Variants in VWDE observed in about 807,000 individuals in gnomAD.
VWDE encodes the protein von Willebrand factor D and EGF domain-containing protein.
A neutral mutation model predicts 178.4 loss-of-function variants in VWDE; 207 were observed. The observed-to-expected ratio is 1.16, with a 90% confidence interval of 1.04 to 1.30. VWDE has a LOEUF of 1.30. Ranked by LOEUF, VWDE falls within the 50% of genes most tolerant of loss-of-function variation. VWDE has a pLI of 0.00. For synonymous variants in VWDE, 738 were observed against 651.4 expected (o/e 1.13, Z -2.02); for missense variants, 2,287 against 1,901.3 (o/e 1.20, Z -3.77).
intron 9 of VWDE, 103 bp from the exon 10 acceptor site, chr7:12,373,350 A>G (rs530568400): frequency 6.5e-6 from 8 of 1,237,070 alleles, no homozygotes; most frequent in African/African-American, 3.0e-5. Flanking sequence ...ATTTTGTTGT[A>G]TGCACTGAAG....
intron 19 of VWDE, among the ~76,000 whole-genome samples, chr7:12,346,045 C>T (rs982889782): frequency 6.6e-6 from 1 of 151,936 alleles, no homozygotes; most frequent in South Asian, 2.1e-4. Flanking sequence ...TTAAGTAATT[C>T]ATTCCTTCAT....
At chr7:12,397,240 G>A (rs1479568777) in intron 1 of VWDE, among the ~76,000 whole-genome samples, 1 of 152,076 alleles carries the variant, frequency 6.6e-6, no homozygotes, top group Non-Finnish European at 1.5e-5. Flanking sequence ...CAATGGAACA[G>A]AATAGAGAAC....
chr7:12,373,117 C>A lies in VWDE; in HGVS notation c.1447G>T (p.Ala483Ser), dbSNP rs1202255549. The change falls in exon 10 of 29, where the codon GCC becomes TCC. Residue 483 changes from alanine to serine, a missense_variant. Coordinates refer to ENST00000275358, the MANE Select transcript of VWDE (RefSeq NM_001135924.3). ...GTAACTATATCACCTCCTTCCTGGG[C>A]AACAAACCCACAATTACATGACACT... ...YPVSCNCGFV[A>S]QEGGDIVTFD... The A allele has an allele frequency of 6.4e-7, 1 of 1,551,198 alleles. No individual in the cohort carries two copies. Among genetic ancestry groups the A allele is most frequent in the Non-Finnish European group, 8.7e-7 (1 of 1,146,778 alleles).
intron 12 of VWDE, among the ~76,000 whole-genome samples, chr7:12,367,755 T>A (rs1163819668): frequency 6.6e-6 from 1 of 152,082 alleles, no homozygotes; most frequent in Non-Finnish European, 1.5e-5. Context: ...TAATAATATT[T>A]TATATCAATT....
intron 3 of VWDE, 43 bp downstream of exon 3, chr7:12,389,084 G>A: frequency 7.7e-7 from 1 of 1,296,954 alleles, no homozygotes; most frequent in East Asian, 2.5e-5. Context: ...GAATGGCAGA[G>A]TTCCATGAAT....
rs181551353 is a variant in VWDE, at chr7:12,347,372, C to T, written c.3887-2903G>A. The stretch of plus-strand genomic sequence containing the variant: ...TTAGCAAATGTATGTTAGTAAAGCA[C>T]ATTTTTTCTTTTGAAATGTAATGAT... On this transcript the variant is annotated intron_variant, in intron 19 of 28. Coordinates refer to ENST00000275358, the MANE Select transcript of VWDE (RefSeq NM_001135924.3). Among the ~76,000 whole-genome samples the T allele has an allele frequency of 3.4e-3, 522 of 152,214 alleles. 7 individuals carry two copies. The highest frequency in any genetic ancestry group is 0.012 in the African/African-American group (489 of 41,544).
intron 18 of VWDE, among the ~76,000 whole-genome samples, chr7:12,352,292 A>G (rs1291494320): frequency 1.3e-5 from 2 of 152,178 alleles, no homozygotes; most frequent in African/African-American, 2.4e-5. Flanking sequence ...CCTTCATGCT[A>G]TTGATTCTTA....
In VWDE at chr7:12,380,570, G is replaced by T; in HGVS notation, c.705C>A (p.Val235=). ...IAWSRLSSQE[V]KEELTQETTV... is the part of the protein sequence containing the mutation. ...TGGTCTCTTGTGTCAGCTCCTCTTTGACTTCTTGAGAAGAAAGCCTAGACC... is the reference window on the plus strand; with the variant it reads ...TGGTCTCTTGTGTCAGCTCCTCTTTTACTTCTTGAGAAGAAAGCCTAGACC... Residue 235 remains valine (V), a synonymous_variant, in exon 5 of 29, where the codon GTC becomes GTA. Coordinates refer to ENST00000275358, the MANE Select transcript of VWDE (RefSeq NM_001135924.3). 6.4e-7 allele frequency: 1 copy of T among 1,552,126 alleles called. No individual in the cohort carries two copies. The highest frequency in any genetic ancestry group is 8.7e-7 in the Non-Finnish European group (1 of 1,147,100).
rs931197478 is a variant in VWDE at position 12,359,626 on chromosome 7, A to G, written c.3226T>C (p.Leu1076=). ...CTTGAAATTTTGGGTCTACAAATCA[A>G]ACAAGGGCTGGTTGGATTTTTGTCT... ...EGDKNPTSPC[L]ICRPKISRFT... Residue 1076 remains leucine, a synonymous_variant, in exon 16 of 29, where the codon TTG becomes CTG. Transcript: ENST00000275358. 1.9e-5 allele frequency: 30 copies of G among 1,550,558 alleles called. No homozygotes were observed. In the African/African-American group the frequency reaches 4.0e-4, roughly 21 times the overall value.
intron 10 of VWDE, among the ~76,000 whole-genome samples, chr7:12,371,739 A>G (rs2128556037): frequency 1.3e-5 from 2 of 152,232 alleles, no homozygotes; most frequent in Middle Eastern, 3.4e-3. Flanking sequence ...TTTTGGGCAT[A>G]TCTTCGCCTG....
intron 13 of VWDE, among the ~76,000 whole-genome samples, chr7:12,362,532 C>G (rs1251189466): frequency 1.3e-5 from 2 of 151,952 alleles, no homozygotes; most frequent in African/African-American, 2.4e-5. Context: ...GCATAATGTT[C>G]CAGGTACGGA....
intron 23 of VWDE, among the ~76,000 whole-genome samples, chr7:12,341,148 TTATAA>T (rs561900299): frequency 0.019 from 2,835 of 152,286 alleles, 83 homozygotes; most frequent in African/African-American, 0.064. Context: ...TTTTATAATT[TTATAA>T]TTCTGTCACT....
chr7:12,339,635 A>C (rs1161424501), intron 24 of VWDE, among the ~76,000 whole-genome samples: 1 of 152,144 alleles, frequency 6.6e-6, no homozygotes, highest in African/African-American at 2.4e-5. Flanking sequence ...CCTAAATTTT[A>C]GGAATTAAAT....
Position 12,337,055 on chromosome 7 carries a change from TC to T in VWDE, c.4490del (p.Gly1497GlufsTer91). ...AAGTGCTTGGTCCCACACATTTTCC[TC>T]CATTCATGCACGTAGGATCACAGAT... ...KSICDPTCMN[G>X]GKCVGPSTCS... On this transcript the variant is annotated frameshift_variant, in exon 26 of 29. Transcript: ENST00000275358. LOFTEE classifies it high-confidence loss of function. 1 of 1,551,564 alleles carries T rather than the reference TC, an allele frequency of 6.4e-7. No individual in the cohort carries two copies.
chr7:12,356,946 T>C (rs1400659335), intron 17 of VWDE, among the ~76,000 whole-genome samples: 1 of 152,210 alleles, frequency 6.6e-6, no homozygotes, highest in Non-Finnish European at 1.5e-5. Context: ...GAAGAGGGTA[T>C]AATTATCAAT....
chr7:12,356,234 GC>G lies in VWDE; in HGVS notation c.3621del (p.Leu1207PhefsTer48). 1 of 1,551,492 alleles carries G rather than the reference GC, an allele frequency of 6.4e-7. No individual in the cohort carries two copies. The highest frequency in any genetic ancestry group is 2.4e-5 in the East Asian group (1 of 40,906). ...PGSGVYLCVCLPGFHGSLCEV... is the reference protein window; with the variant it reads ...PGSGVYLCVCXPGFHGSLCEV... ...TCACAAAGGCTGCCATGGAAGCCAG[GC>G]AAGCAGACACACAGGTACACTCCAC... On this transcript the variant is annotated frameshift_variant, in exon 18 of 29. Transcript: ENST00000275358. LOFTEE classifies it high-confidence loss of function.
chr7:12,383,518 G>A lies in VWDE; in HGVS notation c.541+18C>T. 6.5e-7 allele frequency: 1 copy of A among 1,547,444 alleles called. No homozygotes were observed. Among genetic ancestry groups the A allele is most frequent in the African/African-American group, 1.4e-5 (1 of 72,994 alleles). ...AGTTTATAAAAACACTATTAAAAAA[G>A]CAAAATATGATACTTACGAACACAA... On this transcript the variant is annotated intron_variant, in intron 4 of 28. Coordinates refer to ENST00000275358, the MANE Select transcript of VWDE (RefSeq NM_001135924.3).
At chr7:12,394,218 T>C (rs1054154193) in intron 1 of VWDE, among the ~76,000 whole-genome samples, 4 of 152,184 alleles carry the variant, frequency 2.6e-5, no homozygotes, top group African/African-American at 4.8e-5. Context: ...TGCCAAATCA[T>C]GGAATGCAAC....
chr7:12,336,888 G>T, intron 26 of VWDE, 100 bp downstream of exon 26: 1 of 1,171,462 alleles, frequency 8.5e-7, no homozygotes, highest in South Asian at 1.7e-5. Flanking sequence ...ATTTTAAAAA[G>T]ACCAAGCAAA....
Sources: allele counts gnomAD v4.1 joint callset (sites outside exome capture counted in the v4.1 genomes callset), GRCh38; gene constraint gnomAD v4.1.1; transcripts MANE v1.5; gene names NCBI Gene and HGNC (gene_info 2026-07-23, HGNC 2026-07-21).